The following PPHLN1 variants were observed in gnomAD, a reference collection of about 807,000 sequenced individuals.
The protein encoded by PPHLN1 is periphilin 1, also known as periphilin-1.
A neutral mutation model predicts 51.3 loss-of-function variants in PPHLN1; 29 were observed. The ratio of observed to expected loss-of-function variants is 0.57; its 90% CI spans 0.42 to 0.77. PPHLN1 has a LOEUF of 0.77. Among genes scored for constraint, PPHLN1 ranks in the 30% least tolerant of loss-of-function variants. The pLI, the probability that PPHLN1 is intolerant of heterozygous loss-of-function variation, is 0.00. For missense variants in PPHLN1, 436 were observed against 438.4 expected (o/e 0.99, Z 0.05); for synonymous variants, 147 against 147.8 (o/e 0.99, Z 0.04).
At chr12:42,432,455 G>T (rs974909887) in intron 9 of PPHLN1, among the ~76,000 whole-genome samples, 1 of 152,100 alleles carries the variant, frequency 6.6e-6, no homozygotes, top group African/African-American at 2.4e-5. Context: ...GTCTTCTCTG[G>T]GTAGTTTATT....
At chr12:42,402,638 G>C (rs1412127254) in intron 9 of PPHLN1, among the ~76,000 whole-genome samples, 1 of 151,908 alleles carries the variant, frequency 6.6e-6, no homozygotes, top group Admixed American at 6.6e-5. Context: ...GTTGTGTGTA[G>C]TAATTTCATA....
chr12:42,425,246 ATTTTTT>A (rs34484756), intron 9 of PPHLN1, among the ~76,000 whole-genome samples: 55 of 124,796 alleles, frequency 4.4e-4, no homozygotes, highest in African/African-American at 1.3e-3. Flanking sequence ...TGCCTGGCTA[ATTTTTT>A]TTTTTTTTTT....
At chr12:42,432,090 G>A (rs2082087250) in intron 9 of PPHLN1, 5 of 1,543,744 alleles carry the variant, frequency 3.2e-6, no homozygotes, top group Admixed American at 1.7e-5. Context: ...TCGACCCCCT[G>A]AAACACTTCT....
chr12:42,445,975 C>CT, downstream of PPHLN1: 1 of 1,502,062 alleles, frequency 6.7e-7, no homozygotes, highest in African/African-American at 1.4e-5. Flanking sequence ...CCCCTCAGGC[C>CT]CTCTTTGGAT....
In PPHLN1 at chr12:42,388,292, C is replaced by T. The variant is rs185373760; in HGVS notation, c.648+757C>T. Among the ~76,000 whole-genome samples, 549 of 152,272 alleles carry T rather than the reference C, an allele frequency of 3.6e-3. 5 individuals carry two copies. The highest frequency in any genetic ancestry group is 0.013 in the African/African-American group (532 of 41,546). On this transcript the variant is annotated intron_variant, in intron 7 of 9. Coordinates refer to ENST00000358314, the MANE Select transcript of PPHLN1 (RefSeq NM_201439.2). ...AGTTCTGAGATAGGAGAAAAACCAC[C>T]CTATGGCAGGAGGCGAGACATGCTG... is the stretch of plus-strand genomic sequence containing the variant.
chr12:42,400,363 G>T (rs1259227602), intron 9 of PPHLN1: 1 of 150,588 alleles, frequency 6.6e-6, no homozygotes, highest in Admixed American at 6.6e-5. Context: ...AGCTACTTGG[G>T]AGGCTGAGGC....
chr12:42,398,242 A>G (rs1379391342), intron 8 of PPHLN1, among the ~76,000 whole-genome samples: 2 of 152,142 alleles, frequency 1.3e-5, no homozygotes, highest in Non-Finnish European at 2.9e-5. Flanking sequence ...AGTGATCATT[A>G]TTGATTTGTG....
In PPHLN1 at chr12:42,426,213, CACACACACACACACA is replaced by C. The variant is rs1566010254; in HGVS notation, c.910-15101_910-15087del. 5.5e-3 allele frequency among the ~76,000 whole-genome samples: 794 copies of C among 144,634 alleles called. 12 individuals carry two copies. The highest frequency in any genetic ancestry group is 0.021 in the African/African-American group (745 of 35,546). 94.9% of individuals were successfully genotyped at this position (144,634 alleles called of 152,430 possible). On this transcript the variant is annotated intron_variant, in intron 9 of 9. Transcript: ENST00000358314. Reference sequence around the variant, plus strand: ...ACACACACACACACACACACACACACACACACACACACACACCCTCATGCATTGTCTCATGGCAGT... The same window carrying C: ...ACACACACACACACACACACACACACCCCTCATGCATTGTCTCATGGCAGT...
downstream of PPHLN1, chr12:42,446,381 C>G: frequency 6.8e-7 from 1 of 1,477,588 alleles, no homozygotes; most frequent in South Asian, 1.4e-5. Context: ...TTTTTTCAGC[C>G]CTATTCCCTT....
chr12:42,333,781 C>T (rs920521453), intron 1 of PPHLN1, among the ~76,000 whole-genome samples: 2 of 152,224 alleles, frequency 1.3e-5, no homozygotes, highest in African/African-American at 4.8e-5. Context: ...TGCGCCCGGC[C>T]AACCTCCTTT....
At chr12:42,386,681 CAATTT>C (rs2139044847) in intron 6 of PPHLN1, among the ~76,000 whole-genome samples, 1 of 152,120 alleles carries the variant, frequency 6.6e-6, no homozygotes, top group East Asian at 1.9e-4. Context: ...CACATATAGA[CAATTT>C]AATGAAATGT....
intron 7 of PPHLN1, 41 bp downstream of exon 7, chr12:42,387,576 A>G: frequency 6.2e-7 from 1 of 1,603,024 alleles, no homozygotes; most frequent in Non-Finnish European, 8.5e-7. Context: ...AAGAATTACA[A>G]ATTGAGATGG....
At chr12:42,421,172 C>G (rs2080970574) in intron 9 of PPHLN1, among the ~76,000 whole-genome samples, 1 of 151,998 alleles carries the variant, frequency 6.6e-6, no homozygotes, top group Non-Finnish European at 1.5e-5. Flanking sequence ...TTTTTCTCAG[C>G]CTTACACTGG....
intron 4 of PPHLN1, chr12:42,361,652 A>T (rs1265203826): frequency 6.6e-6 from 1 of 152,186 alleles, no homozygotes; most frequent in Non-Finnish European, 1.5e-5. Flanking sequence ...TGTTTTTCAA[A>T]TATTTGCTTG....
intron 7 of PPHLN1, among the ~76,000 whole-genome samples, chr12:42,389,891 A>G (rs2077536464): frequency 6.6e-6 from 1 of 152,112 alleles, no homozygotes; most frequent in South Asian, 2.1e-4. Context: ...GGAGTTATTA[A>G]TTTCTTAAGG....
At chr12:42,417,957 T>TG (rs2068819478) in intron 9 of PPHLN1, among the ~76,000 whole-genome samples, 1 of 118,318 alleles carries the variant, frequency 8.5e-6, no homozygotes, top group South Asian at 2.8e-4. Context: ...TTTTTTTTTT[T>TG]GAGACAGAGT....
intron 2 of PPHLN1, among the ~76,000 whole-genome samples, chr12:42,344,185 G>C (rs1332324807): frequency 6.6e-6 from 1 of 152,174 alleles, no homozygotes; most frequent in Admixed American, 6.5e-5. Flanking sequence ...CAGTAAATAA[G>C]ACCAATAAAG....
intron 4 of PPHLN1, among the ~76,000 whole-genome samples, chr12:42,362,123 A>G (rs2074760712): frequency 6.6e-6 from 1 of 152,008 alleles, no homozygotes; most frequent in African/African-American, 2.4e-5. Flanking sequence ...TTTGATTTGC[A>G]TTTTCCTAAT....
At chr12:42,333,420 T>A (rs994657246) in intron 1 of PPHLN1, among the ~76,000 whole-genome samples, 1 of 152,108 alleles carries the variant, frequency 6.6e-6, no homozygotes. Flanking sequence ...TTAATAAATA[T>A]TGCCAAATTC....
Sources: allele counts gnomAD v4.1 joint callset (sites outside exome capture counted in the v4.1 genomes callset), GRCh38; gene constraint gnomAD v4.1.1; transcripts MANE v1.5; gene names NCBI Gene and HGNC (gene_info 2026-07-23, HGNC 2026-07-21).